Variants in KIAA1217 observed in about 807,000 individuals in gnomAD.
KIAA1217 encodes the protein sickle tail protein homolog.
A neutral mutation model predicts 163.9 loss-of-function variants in KIAA1217; 88 were observed. That is an observed-to-expected ratio of 0.54 (90% CI 0.45 to 0.64). KIAA1217 has a LOEUF of 0.64. Ranked by LOEUF, KIAA1217 falls within the 30% of genes least tolerant of loss-of-function variation. The pLI is 0.00. For missense variants in KIAA1217, 2,372 were observed against 2,475.0 expected, an observed-to-expected ratio of 0.96 and a Z score of 0.88; for synonymous variants, 903 against 923.1, an observed-to-expected ratio of 0.98 and a Z score of 0.39.
At chr10:23,743,567 T>C (rs1409540358) in intron 1 of KIAA1217, among the ~76,000 whole-genome samples, 1 of 152,092 alleles carries the variant, frequency 6.6e-6, no homozygotes, top group Non-Finnish European at 1.5e-5. Flanking sequence ...ATAGAGGAAA[T>C]GAGGGTAGTT....
At chr10:23,740,893 A>G (rs974226921) in intron 1 of KIAA1217, among the ~76,000 whole-genome samples, 7 of 152,118 alleles carry the variant, frequency 4.6e-5, no homozygotes, top group South Asian at 2.1e-4. Context: ...GTGCCATTGC[A>G]CTCCAGCCTG....
intron 2 of KIAA1217, among the ~76,000 whole-genome samples, chr10:24,278,749 A>T (rs2077573005): frequency 6.6e-6 from 1 of 152,016 alleles, no homozygotes; most frequent in South Asian, 2.1e-4. Flanking sequence ...AGAGAAATTT[A>T]CTTCCTTTGG....
intron 1 of KIAA1217, among the ~76,000 whole-genome samples, chr10:23,766,751 G>C (rs1190776680): frequency 1.3e-5 from 2 of 151,872 alleles, no homozygotes; most frequent in Non-Finnish European, 2.9e-5. Flanking sequence ...ATCATACCCA[G>C]CTAATTTTTG....
At chr10:24,311,940 C>G (rs1408456966) in intron 2 of KIAA1217, among the ~76,000 whole-genome samples, 1 of 152,142 alleles carries the variant, frequency 6.6e-6, no homozygotes, top group Non-Finnish European at 1.5e-5. Context: ...CTCATGAACT[C>G]TGTGGCCCAT....
intron 2 of KIAA1217, among the ~76,000 whole-genome samples, chr10:24,270,164 A>G (rs1015672524): frequency 2.0e-5 from 3 of 152,244 alleles, no homozygotes; most frequent in African/African-American, 4.8e-5. Flanking sequence ...AAACAGAATA[A>G]TTGATTTTTA....
chr10:24,537,209 G>C (rs2074150253), intron 17 of KIAA1217, among the ~76,000 whole-genome samples: 6 of 151,834 alleles, frequency 4.0e-5, no homozygotes, highest in Admixed American at 3.9e-4. Flanking sequence ...CAGCAACCAA[G>C]TATTTAGCAG....
At chr10:24,435,972 T>C (rs1342375121) in intron 4 of KIAA1217, among the ~76,000 whole-genome samples, 2 of 151,974 alleles carry the variant, frequency 1.3e-5, no homozygotes, top group African/African-American at 4.8e-5. Context: ...GTAATTCTCA[T>C]GCCTCAGCCT....
intron 11 of KIAA1217, among the ~76,000 whole-genome samples, chr10:24,521,486 G>C (rs1156390711): frequency 6.6e-6 from 1 of 152,036 alleles, no homozygotes; most frequent in Non-Finnish European, 1.5e-5. Flanking sequence ...CAGCCTGGAT[G>C]ACAGAGTGAG....
At chr10:24,095,080 C>T (rs796590832) in intron 2 of KIAA1217, among the ~76,000 whole-genome samples, 54 of 152,310 alleles carry the variant, frequency 3.5e-4, no homozygotes, top group African/African-American at 6.0e-4. Context: ...TTCCTAAGCC[C>T]GTCGGAAAAG....
intron 2 of KIAA1217, among the ~76,000 whole-genome samples, chr10:24,361,924 G>A: frequency 6.9e-6 from 1 of 144,014 alleles, no homozygotes; most frequent in South Asian, 2.2e-4. Context: ...GCAGGTTCGG[G>A]CCACTGCAAG....
chr10:24,412,981 C>T (rs2057930498), intron 3 of KIAA1217, among the ~76,000 whole-genome samples: 1 of 152,202 alleles, frequency 6.6e-6, no homozygotes. Flanking sequence ...CAACAAAACC[C>T]TTTGCATCTT....
rs556954512 is a variant in KIAA1217, at chr10:24,041,424, C to A, written c.-171+34050C>A. Among the ~76,000 whole-genome samples the A allele has an allele frequency of 3.0e-4, 46 of 152,268 alleles. 1 individual carries two copies. Among genetic ancestry groups the A allele is most frequent in the African/African-American group, 1.0e-3 (42 of 41,554 alleles). On this transcript the variant is annotated intron_variant, in intron 2 of 18. Transcript: ENST00000376462. ...ATCATGACTATTGTTTTTTGTAAAG[C>A]ACGCTAAGTACAAGTATTTGTTAGA...
At chr10:24,352,516 G>A (rs971027531) in intron 2 of KIAA1217, among the ~76,000 whole-genome samples, 1 of 151,552 alleles carries the variant, frequency 6.6e-6, no homozygotes, top group Non-Finnish European at 1.5e-5. Context: ...TTTTTTTGTT[G>A]TTGTTAACCA....
chr10:23,775,403 A>G (rs147552491), intron 1 of KIAA1217, among the ~76,000 whole-genome samples: 4 of 152,170 alleles, frequency 2.6e-5, no homozygotes, highest in Non-Finnish European at 4.4e-5. Context: ...ATTGATTGAC[A>G]TTAGAAGGGA....
intron 1 of KIAA1217, among the ~76,000 whole-genome samples, chr10:23,948,955 A>G (rs919028508): frequency 6.6e-6 from 1 of 152,184 alleles, no homozygotes; most frequent in African/African-American, 2.4e-5. Flanking sequence ...TATACAAGGT[A>G]ATCTGCTAAA....
At chr10:23,922,127 AC>A (rs1352992852) in intron 1 of KIAA1217, among the ~76,000 whole-genome samples, 2 of 151,972 alleles carry the variant, frequency 1.3e-5, no homozygotes, top group African/African-American at 4.8e-5. Flanking sequence ...ACATAATGCA[AC>A]CTCTGGCCAA....
intron 1 of KIAA1217, among the ~76,000 whole-genome samples, chr10:23,969,699 G>T (rs966504639): frequency 2.0e-5 from 3 of 151,976 alleles, no homozygotes; most frequent in Non-Finnish European, 4.4e-5. Context: ...TCAAATATAT[G>T]GTTTTCAGAT....
intron 2 of KIAA1217, among the ~76,000 whole-genome samples, chr10:24,094,758 T>C (rs1185807023): frequency 6.6e-6 from 1 of 152,180 alleles, no homozygotes; most frequent in East Asian, 1.9e-4. Flanking sequence ...ACTGCTCTCT[T>C]CAAAGCTGTC....
At chr10:24,481,716 G>T (rs189512724) in intron 6 of KIAA1217, 15 of 152,290 alleles carry the variant, frequency 9.8e-5, no homozygotes, top group African/African-American at 1.4e-4. Flanking sequence ...TTTGGGGTCT[G>T]CTTGTACATA....
Sources: gnomAD v4.1 joint callset for allele counts (sites outside exome capture counted in the v4.1 genomes callset) on GRCh38, gnomAD v4.1.1 for gene constraint, MANE v1.5 for transcripts, NCBI Gene and HGNC (gene_info 2026-07-23, HGNC 2026-07-21) for gene names.